Variants in SNRPN observed in about 807,000 individuals in gnomAD.
SNRPN encodes small nuclear ribonucleoprotein polypeptide N.
In SNRPN, 7 loss-of-function variants were observed where a neutral mutation model predicts 25.2. That is an observed-to-expected ratio of 0.28 (90% CI 0.16 to 0.52). The LOEUF (loss-of-function observed/expected upper bound fraction) is 0.52, where lower values mean the gene tolerates loss of function less well. Ranked by LOEUF, SNRPN falls within the 20% of genes least tolerant of loss-of-function variation. SNRPN has a pLI of 0.96. For synonymous variants in SNRPN, 124 were observed against 110.6 expected, an observed-to-expected ratio of 1.12 and a Z score of -0.76; for missense variants, 196 against 322.5, an observed-to-expected ratio of 0.61 and a Z score of 3.00.
At chr15:24,882,029 T>A (rs1256237229) in intron 1 of SNRPN, among the ~76,000 whole-genome samples, 2 of 152,194 alleles carry the variant, frequency 1.3e-5, no homozygotes, top group African/African-American at 2.4e-5. Context: ...AGAGGTAGAC[T>A]ATGAAGGCCT....
chr15:24,910,416 G>A (rs554176597), intron 2 of SNRPN, among the ~76,000 whole-genome samples: 7 of 152,122 alleles, frequency 4.6e-5, no homozygotes, highest in Non-Finnish European at 8.8e-5. Context: ...ACAGGAGGTC[G>A]AGGCGGCAGT....
In SNRPN at chr15:24,975,432, C is replaced by G. The variant is rs1566975531; in HGVS notation, c.78C>G (p.Ile26Met). 5.6e-6 allele frequency: 9 copies of G among 1,613,028 alleles called. No individual in the cohort carries two copies. The highest frequency in any genetic ancestry group is 6.8e-6 in the Non-Finnish European group (8 of 1,179,052). Residue 26 changes from isoleucine to methionine, a missense_variant, in exon 5 of 10, where the codon ATC becomes ATG. By Grantham distance (10) the Ile-to-Met change is conservative. Coordinates refer to ENST00000390687, the MANE Select transcript of SNRPN (RefSeq NM_003097.6). ...RMRCILQDGR[I>M]FIGTFKAFDK... ...GATGTATCCTGCAAGATGGCCGAAT[C>G]TTCATTGGCACCTTTAAGGCTTTTG...
chr15:24,824,327 T>C (rs1370710358), intron 1 of SNRPN, among the ~76,000 whole-genome samples: 1 of 152,138 alleles, frequency 6.6e-6, no homozygotes, highest in African/African-American at 2.4e-5. Context: ...ACAGCTACTT[T>C]GCTACCGTGC....
intron 1 of SNRPN, among the ~76,000 whole-genome samples, chr15:24,878,786 A>C (rs929766221): frequency 6.6e-6 from 1 of 152,134 alleles, no homozygotes; most frequent in African/African-American, 2.4e-5. Flanking sequence ...AATCCTTTTC[A>C]AAAATACTGA....
chr15:24,936,660 T>C (rs746602541), intron 3 of SNRPN, among the ~76,000 whole-genome samples: 1 of 152,084 alleles, frequency 6.6e-6, no homozygotes, highest in African/African-American at 2.4e-5. Flanking sequence ...CATCTTTACA[T>C]GGCAGAAGCA....
chr15:24,847,750 C>T (rs1048027776), intron 2 of SNRPN, among the ~76,000 whole-genome samples: 10 of 152,132 alleles, frequency 6.6e-5, no homozygotes, highest in African/African-American at 7.2e-5. Flanking sequence ...TGTCATTTAA[C>T]GCAAGGGTTA....
intron 2 of SNRPN, among the ~76,000 whole-genome samples, chr15:24,830,636 C>G (rs1359713254): frequency 6.6e-6 from 1 of 152,040 alleles, no homozygotes; most frequent in Non-Finnish European, 1.5e-5. Flanking sequence ...GTTTTCCTTT[C>G]AATTTAGTTC....
intron 1 of SNRPN, among the ~76,000 whole-genome samples, chr15:24,959,211 A>C (rs2074373556): frequency 6.6e-6 from 1 of 152,226 alleles, no homozygotes; most frequent in Non-Finnish European, 1.5e-5. Flanking sequence ...TCAGTTTCAT[A>C]AAATGTTGGT....
intron 2 of SNRPN, among the ~76,000 whole-genome samples, chr15:24,911,581 C>G (rs964462825): frequency 6.6e-6 from 1 of 152,170 alleles, no homozygotes; most frequent in African/African-American, 2.4e-5. Flanking sequence ...TCAGATCACT[C>G]CTCCAGAAAA....
At chr15:24,917,742 A>G (rs558078118) in intron 2 of SNRPN, among the ~76,000 whole-genome samples, 1 of 152,346 alleles carries the variant, frequency 6.6e-6, no homozygotes, top group Admixed American at 6.5e-5. Context: ...CCCGTGTTCC[A>G]TATTTGTTTT....
intron 1 of SNRPN, among the ~76,000 whole-genome samples, chr15:24,825,804 T>C (rs1201612952): frequency 6.6e-6 from 1 of 152,110 alleles, no homozygotes; most frequent in Non-Finnish European, 1.5e-5. Context: ...AATGGTTGTA[T>C]GGGTACTCGA....
At chr15:24,834,236 T>G (rs4395055) in intron 2 of SNRPN, among the ~76,000 whole-genome samples, 86,263 of 151,918 alleles carry the variant, frequency 0.57, 24,857 homozygotes, top group East Asian at 0.83. Flanking sequence ...TAAATGCCCA[T>G]CCCATTATAT....
At chr15:24,958,511 T>G (rs1215895568) in intron 1 of SNRPN, among the ~76,000 whole-genome samples, 2 of 124,584 alleles carry the variant, frequency 1.6e-5, no homozygotes, top group Non-Finnish European at 3.3e-5. Context: ...TTTTTTTTTT[T>G]TTTTTTTTTA....
In SNRPN at chr15:24,898,365, G is replaced by A. The variant is rs150181893; in HGVS notation, c.-505+11776G>A. ...AGCACTTTGGGAGGCCGAGGCAGGC[G>A]GATCACGAGGTGAAGAGATCGAGAC... is the stretch of plus-strand genomic sequence containing the variant. On this transcript the variant is annotated intron_variant, in intron 2 of 11. Transcript: ENST00000400097. Among the ~76,000 whole-genome samples, 141 of 152,218 alleles carry A rather than the reference G, an allele frequency of 9.3e-4. 1 individual carries two copies. In the East Asian group the frequency reaches 0.018, roughly 19 times the overall value.
At chr15:24,919,106 G>A (rs1191661775) in intron 2 of SNRPN, among the ~76,000 whole-genome samples, 2 of 143,852 alleles carry the variant, frequency 1.4e-5, no homozygotes, top group Non-Finnish European at 3.0e-5. Flanking sequence ...TAACATAGCC[G>A]TTTGGTTTAT....
chr15:24,853,631 G>T (rs1476205007), upstream of SNRPN, among the ~76,000 whole-genome samples: 1 of 152,120 alleles, frequency 6.6e-6, no homozygotes, highest in Non-Finnish European at 1.5e-5. Context: ...CTGACCTCGT[G>T]ATCTGCCCAC....
intron 2 of SNRPN, among the ~76,000 whole-genome samples, chr15:24,918,599 T>TGC (rs1327922320): frequency 9.9e-6 from 1 of 101,492 alleles, no homozygotes; most frequent in African/African-American, 3.9e-5. Flanking sequence ...TATATATGTA[T>TGC]ATATATAACA....
chr15:24,971,545 A>G lies in SNRPN; in HGVS notation c.-143-2766A>G, dbSNP rs572086166. On this transcript the variant is annotated intron_variant, in intron 3 of 9. Coordinates refer to ENST00000390687, the MANE Select transcript of SNRPN (RefSeq NM_003097.6). ...AGGTTATTATTATATTATGATATAT[A>G]TATAAATATAAAATAATAATCTGTC... Among the ~76,000 whole-genome samples, 811 of 151,504 alleles carry G rather than the reference A, an allele frequency of 5.4e-3. 5 individuals are homozygous for G. Among genetic ancestry groups the G allele is most frequent in the African/African-American group, 0.019 (767 of 41,420 alleles).
intron 2 of SNRPN, chr15:24,850,881 G>A (rs972913059): frequency 1.3e-5 from 2 of 151,954 alleles, no homozygotes; most frequent in African/African-American, 4.8e-5. Flanking sequence ...GAAAATTTAA[G>A]TTTATTAGGA....
Sources: allele counts gnomAD v4.1 joint callset (sites outside exome capture counted in the v4.1 genomes callset), GRCh38; gene constraint gnomAD v4.1.1; transcripts MANE v1.5; gene names NCBI Gene and HGNC (gene_info 2026-07-23, HGNC 2026-07-21).